KCTD8: variants seen among roughly 807,000 people sequenced by gnomAD.
The protein encoded by KCTD8 is potassium channel tetramerization domain containing 8.
A neutral mutation model predicts 31.5 loss-of-function variants in KCTD8; 27 were observed. The ratio of observed to expected loss-of-function variants is 0.86; its 90% CI spans 0.63 to 1.18. KCTD8 has a LOEUF of 1.18. KCTD8 is among the 50% of genes most tolerant of loss of function. The probability of loss-of-function intolerance (pLI) is 0.00; values close to 1 mark genes in which losing one functional copy is unlikely to be tolerated. For synonymous variants in KCTD8, 290 were observed against 280.0 expected, an observed-to-expected ratio of 1.04 and a Z score of -0.36; for missense variants, 658 against 647.7, an observed-to-expected ratio of 1.02 and a Z score of -0.17.
intron 1 of KCTD8, among the ~76,000 whole-genome samples, chr4:44,396,102 G>T (rs932157654): frequency 6.6e-6 from 1 of 152,036 alleles, no homozygotes; most frequent in Non-Finnish European, 1.5e-5. Context: ...CCCATCTGGG[G>T]GTGATGAGAG....
chr4:44,390,235 C>G (rs1268554615), intron 1 of KCTD8, among the ~76,000 whole-genome samples: 1 of 151,940 alleles, frequency 6.6e-6, no homozygotes, highest in Non-Finnish European at 1.5e-5. Flanking sequence ...AAGGGTTTTT[C>G]CGATGTTATC....
chr4:44,185,144 T>C (rs1272702618), intron 1 of KCTD8, among the ~76,000 whole-genome samples: 1 of 152,228 alleles, frequency 6.6e-6, no homozygotes, highest in Admixed American at 6.5e-5. Flanking sequence ...ATCAGTATCT[T>C]CCTATGACTC....
chr4:44,344,052 T>C lies in KCTD8; in HGVS notation c.961+103511A>G, dbSNP rs545040646. ...TTTTGTATTTTTAGCAGAGACAGGGTTTCATGATGTTGGCCAGGATGGTCT... is the reference window on the plus strand; with the variant it reads ...TTTTGTATTTTTAGCAGAGACAGGGCTTCATGATGTTGGCCAGGATGGTCT... On this transcript the variant is annotated intron_variant, in intron 1 of 1. Transcript: ENST00000360029. Among the ~76,000 whole-genome samples, 15 of 151,940 alleles carry C rather than the reference T, an allele frequency of 9.9e-5. No homozygotes were observed. In the East Asian group the frequency reaches 2.7e-3, roughly 27 times the overall value.
intron 1 of KCTD8, among the ~76,000 whole-genome samples, chr4:44,385,120 C>T (rs1720176442): frequency 6.6e-6 from 1 of 151,634 alleles, no homozygotes. Context: ...AGACGTAATA[C>T]TGTTAAAATG....
chr4:44,274,329 C>T (rs1294232653), intron 1 of KCTD8, among the ~76,000 whole-genome samples: 1 of 151,838 alleles, frequency 6.6e-6, no homozygotes, highest in Non-Finnish European at 1.5e-5. Flanking sequence ...AGGTAATCAA[C>T]TTAATTTGAT....
At chr4:44,182,014 T>A (rs999647691) in intron 1 of KCTD8, among the ~76,000 whole-genome samples, 6 of 147,066 alleles carry the variant, frequency 4.1e-5, no homozygotes, top group South Asian at 2.2e-4. Context: ...CCCCTCCGCC[T>A]GGCAGCTGCC....
At chr4:44,333,397 TA>T (rs759852578) in intron 1 of KCTD8, among the ~76,000 whole-genome samples, 5 of 152,114 alleles carry the variant, frequency 3.3e-5, no homozygotes, top group Non-Finnish European at 7.4e-5. Flanking sequence ...GCTACTGTCT[TA>T]AGTAAAGATG....
chr4:44,231,409 A>T (rs1305338253), intron 1 of KCTD8, among the ~76,000 whole-genome samples: 2 of 152,234 alleles, frequency 1.3e-5, no homozygotes, highest in African/African-American at 2.4e-5. Flanking sequence ...ATTTATCTAT[A>T]ATAAAACTTG....
chr4:44,360,438 T>TA (rs1719466097), intron 1 of KCTD8, among the ~76,000 whole-genome samples: 2 of 152,138 alleles, frequency 1.3e-5, no homozygotes, highest in African/African-American at 4.8e-5. Context: ...ACGGAAAACT[T>TA]AGACATAGCC....
At chr4:44,230,636 G>A (rs957288316) in intron 1 of KCTD8, among the ~76,000 whole-genome samples, 7 of 152,118 alleles carry the variant, frequency 4.6e-5, no homozygotes, top group Admixed American at 4.6e-4. Flanking sequence ...CTTTAATGAT[G>A]TAAAGAGACA....
intron 1 of KCTD8, among the ~76,000 whole-genome samples, chr4:44,329,401 T>A (rs1001197684): frequency 1.3e-5 from 2 of 151,978 alleles, no homozygotes; most frequent in Admixed American, 6.6e-5. Flanking sequence ...GGAAAAATAT[T>A]CTCTCCCATT....
At chr4:44,271,914 T>A (rs971648397) in intron 1 of KCTD8, among the ~76,000 whole-genome samples, 2 of 151,996 alleles carry the variant, frequency 1.3e-5, no homozygotes, top group Non-Finnish European at 2.9e-5. Context: ...TATATTTCTG[T>A]GTGTGTGTCT....
At chr4:44,305,951 A>G (rs1158733754) in intron 1 of KCTD8, among the ~76,000 whole-genome samples, 1 of 151,862 alleles carries the variant, frequency 6.6e-6, no homozygotes, top group Admixed American at 6.6e-5. Context: ...AACTAAAAGC[A>G]TTTCCAAATA....
chr4:44,316,190 T>C (rs1316360658), intron 1 of KCTD8, among the ~76,000 whole-genome samples: 1 of 152,208 alleles, frequency 6.6e-6, no homozygotes, highest in Non-Finnish European at 1.5e-5. Flanking sequence ...TGAGATAATT[T>C]GTTCTGCTAT....
intron 1 of KCTD8, among the ~76,000 whole-genome samples, chr4:44,362,773 T>TC (rs1443683070): frequency 3.3e-5 from 5 of 151,806 alleles, no homozygotes; most frequent in Non-Finnish European, 7.4e-5. Flanking sequence ...AAGGTAATTT[T>TC]TTTTTTTTTT....
At chr4:44,340,172 T>A (rs1306637249) in intron 1 of KCTD8, among the ~76,000 whole-genome samples, 1 of 152,156 alleles carries the variant, frequency 6.6e-6, no homozygotes, top group Non-Finnish European at 1.5e-5. Context: ...AATAGACACA[T>A]AATTTGATAC....
intron 1 of KCTD8, among the ~76,000 whole-genome samples, chr4:44,288,019 C>G (rs73811996): frequency 0.029 from 4,472 of 152,118 alleles, 236 homozygotes; most frequent in African/African-American, 0.1. Context: ...GGAAGAGTTG[C>G]CTTCTTGCTA....
chr4:44,211,909 T>C (rs2109343891), intron 1 of KCTD8, among the ~76,000 whole-genome samples: 1 of 152,256 alleles, frequency 6.6e-6, no homozygotes, highest in African/African-American at 2.4e-5. Flanking sequence ...AGTTTTATAG[T>C]ATTTTTACCT....
chr4:44,350,059 A>G (rs76093335), intron 1 of KCTD8, among the ~76,000 whole-genome samples: 1 of 152,202 alleles, frequency 6.6e-6, no homozygotes, highest in Non-Finnish European at 1.5e-5. Flanking sequence ...TATCTGGTAT[A>G]GATTTTGCAA....
Sources: gnomAD v4.1 joint callset for allele counts (sites outside exome capture counted in the v4.1 genomes callset) on GRCh38, gnomAD v4.1.1 for gene constraint, MANE v1.5 for transcripts, NCBI Gene and HGNC (gene_info 2026-07-23, HGNC 2026-07-21) for gene names.